AKAP19: variants seen among roughly 807,000 people sequenced by gnomAD.
AKAP19 encodes the protein A-kinase anchoring protein 19, also known as small A-kinase anchoring protein.
chr2:190,152,988 C>T, the AKAP19 span, among the ~76,000 whole-genome samples: 2 of 152,072 alleles, frequency 1.3e-5, no homozygotes, highest in East Asian at 1.9e-4. Flanking sequence ...CTCCGCCTCC[C>T]GGGTTCACGC....
the AKAP19 span, among the ~76,000 whole-genome samples, chr2:190,045,082 G>A: frequency 1.3e-5 from 2 of 152,110 alleles, no homozygotes; most frequent in African/African-American, 4.8e-5. Context: ...AAACATGGTG[G>A]CCCTCCCCTC....
At chr2:190,040,453 C>G in the AKAP19 span, among the ~76,000 whole-genome samples, 1 of 152,182 alleles carries the variant, frequency 6.6e-6, no homozygotes. Flanking sequence ...AATATTTTCT[C>G]CCATTCTGTA....
chr2:190,100,272 A>G, the AKAP19 span, among the ~76,000 whole-genome samples: 1 of 152,192 alleles, frequency 6.6e-6, no homozygotes, highest in Non-Finnish European at 1.5e-5. Context: ...AGTATGTGCC[A>G]TGCCAAGATG....
the AKAP19 span, among the ~76,000 whole-genome samples, chr2:190,066,090 G>C: frequency 6.6e-6 from 1 of 152,116 alleles, no homozygotes; most frequent in Non-Finnish European, 1.5e-5. Flanking sequence ...TTTGTCTTAA[G>C]TTAGCCATCT....
At chr2:190,145,246 G>T in the AKAP19 span, among the ~76,000 whole-genome samples, 1 of 152,206 alleles carries the variant, frequency 6.6e-6, no homozygotes, top group Admixed American at 6.5e-5. Context: ...GAGATCACAT[G>T]ACAGAGTGAG....
At chr2:189,922,174 G>A in the AKAP19 span, among the ~76,000 whole-genome samples, 1 of 152,252 alleles carries the variant, frequency 6.6e-6, no homozygotes, top group African/African-American at 2.4e-5. Flanking sequence ...AGTTCTGTTT[G>A]GCTGAAGCTC....
the AKAP19 span, among the ~76,000 whole-genome samples, chr2:189,991,645 T>C: frequency 2.0e-5 from 3 of 152,186 alleles, no homozygotes; most frequent in Admixed American, 6.5e-5. Flanking sequence ...CACTCTGTGG[T>C]TGTCTGTTTA....
the AKAP19 span, among the ~76,000 whole-genome samples, chr2:190,024,568 T>C: frequency 6.6e-6 from 1 of 151,788 alleles, no homozygotes; most frequent in Non-Finnish European, 1.5e-5. Context: ...TAAGAGAAAG[T>C]GTATGTTCAA....
chr2:189,882,688 C>A, the AKAP19 span, among the ~76,000 whole-genome samples: 6 of 152,022 alleles, frequency 3.9e-5, no homozygotes, highest in Admixed American at 2.0e-4. Flanking sequence ...GTCCGAAACC[C>A]GTGAGGATAA....
the AKAP19 span, among the ~76,000 whole-genome samples, chr2:189,956,538 A>C: frequency 6.6e-6 from 1 of 152,108 alleles, no homozygotes; most frequent in Non-Finnish European, 1.5e-5. Flanking sequence ...CTAGTGCTGC[A>C]CTATAATAAA....
the AKAP19 span, among the ~76,000 whole-genome samples, chr2:190,159,230 C>A: frequency 6.6e-6 from 1 of 152,150 alleles, no homozygotes; most frequent in African/African-American, 2.4e-5. Flanking sequence ...GGGTCCCAGG[C>A]ACTTGGACCT....
the AKAP19 span, among the ~76,000 whole-genome samples, chr2:190,160,711 A>T: frequency 8.8e-5 from 4 of 45,618 alleles, no homozygotes; most frequent in Admixed American, 4.7e-4. Context: ...ATTTTTTTTT[A>T]AAAAAGAAGA....
At chr2:190,133,235 CAAAAAAAAAAAAA>C in the AKAP19 span, among the ~76,000 whole-genome samples, 86 of 58,122 alleles carry the variant, frequency 1.5e-3, no homozygotes, top group East Asian at 0.05. Flanking sequence ...GAGACTCTGC[CAAAAAAAAAAAAA>C]AAAAAAAAAA....
chr2:190,040,190 T>G, the AKAP19 span, among the ~76,000 whole-genome samples: 1 of 152,288 alleles, frequency 6.6e-6, no homozygotes, highest in South Asian at 2.1e-4. Flanking sequence ...CATCTGTTAT[T>G]TGAATTTTTA....
the AKAP19 span, chr2:189,923,996 G>T: frequency 6.3e-7 from 1 of 1,596,768 alleles, no homozygotes; most frequent in Admixed American, 1.7e-5. Flanking sequence ...TGTTAAGTCA[G>T]AAGAGGAGCA....
chr2:190,114,919 A>G, the AKAP19 span, among the ~76,000 whole-genome samples: 1 of 151,422 alleles, frequency 6.6e-6, no homozygotes, highest in Admixed American at 6.6e-5. Flanking sequence ...AAGCTTTTAG[A>G]ATTTTCTTTT....
chr2:190,051,662 G>A, the AKAP19 span, among the ~76,000 whole-genome samples: 1 of 152,102 alleles, frequency 6.6e-6, no homozygotes. Flanking sequence ...TGCAACTTTG[G>A]TGGAATTCTG....
chr2:190,134,402 G>C, the AKAP19 span, among the ~76,000 whole-genome samples: 5 of 151,998 alleles, frequency 3.3e-5, no homozygotes, highest in Non-Finnish European at 7.4e-5. Flanking sequence ...GTTGGTTTCA[G>C]TTTATCAATT....
chr2:190,043,812 A>C, the AKAP19 span, among the ~76,000 whole-genome samples: 1 of 152,118 alleles, frequency 6.6e-6, no homozygotes, highest in African/African-American at 2.4e-5. Context: ...CTTTCTCCTC[A>C]CTGTGTGTGG....
Sources: allele counts gnomAD v4.1 joint callset (sites outside exome capture counted in the v4.1 genomes callset), GRCh38; gene constraint gnomAD v4.1.1; transcripts MANE v1.5; gene names NCBI Gene and HGNC (gene_info 2026-07-23, HGNC 2026-07-21).